GUCY2F: variants seen among roughly 807,000 people sequenced by gnomAD.
GUCY2F encodes the protein retinal guanylyl cyclase 2.
GUCY2F carries 61 observed loss-of-function variants against 73.1 expected under a neutral mutation model. The observed-to-expected ratio is 0.83, with a 90% CI of 0.68 to 1.03. GUCY2F has a LOEUF of 1.03. Ranked by LOEUF, GUCY2F falls within the 50% of genes least tolerant of loss-of-function variation. The probability of loss-of-function intolerance (pLI) is 0.00; values close to 1 mark genes in which losing one functional copy is unlikely to be tolerated. For missense variants in GUCY2F, 912 were observed against 854.3 expected, an observed-to-expected ratio of 1.07 and a Z score of -0.84; for synonymous variants, 331 against 307.8, an observed-to-expected ratio of 1.08 and a Z score of -0.79.
chrX:109,380,699 G>A (rs1232746897), intron 17 of GUCY2F, among the ~76,000 whole-genome samples: 1 of 111,901 alleles, frequency 8.9e-6, no homozygotes, highest in Non-Finnish European at 1.9e-5. Context: ...TTGAAGTTAA[G>A]TCCTGATTTT....
rs1166083821 is a variant in GUCY2F, at chrX:109,399,437, C to G, written c.2126-739G>C. On this transcript the variant is annotated intron_variant, in intron 10 of 19. Transcript: ENST00000218006. ...GTCAAAGTTAAACACCCATTGTGTG[C>G]TCTGCTGCATTTCAGGCCCCGTCAG... Among the ~76,000 whole-genome samples, 3 of 112,624 alleles carry G rather than the reference C, an allele frequency of 2.7e-5. No individual in the cohort carries two copies. The East Asian group carries it at 8.4e-4, about 31-fold the overall frequency.
At chrX:109,465,466 G>A in intron 2 of GUCY2F, 23 bp from the exon 3 acceptor site, 1 of 1,118,648 alleles carries the variant, frequency 8.9e-7, no homozygotes, top group Non-Finnish European at 1.2e-6. Context: ...AAGCAAGGAG[G>A]TTATGGAAGC....
At chrX:109,414,214 C>T (rs1028747949) in intron 8 of GUCY2F, among the ~76,000 whole-genome samples, 1 of 111,701 alleles carries the variant, frequency 9.0e-6, no homozygotes, top group African/African-American at 3.3e-5. Flanking sequence ...TCAGGTGAGC[C>T]GCCCACCTCG....
intron 11 of GUCY2F, among the ~76,000 whole-genome samples, chrX:109,397,732 G>A (rs1930742807): frequency 9.0e-6 from 1 of 111,359 alleles, no homozygotes; most frequent in Admixed American, 9.5e-5. Context: ...TTCTTTTCCT[G>A]TCTTTCATGA....
chrX:109,377,227 T>C (rs1254246218), intron 17 of GUCY2F, among the ~76,000 whole-genome samples: 8 of 111,808 alleles, frequency 7.2e-5, no homozygotes, highest in Admixed American at 2.8e-4. Flanking sequence ...AAGCCTTCTA[T>C]GAGGCAAGTA....
chrX:109,403,048 A>G lies in GUCY2F; in HGVS notation c.2125+1280T>C, dbSNP rs760915744. Among the ~76,000 whole-genome samples the G allele has an allele frequency of 6.2e-5, 7 of 112,149 alleles. No homozygotes were observed. In the South Asian group the frequency reaches 2.3e-3, roughly 36 times the overall value. ...GTTTTGCATCTCTCTGTCTCTGTCTATCTTTTTTTGGGCTGTTTGCTTTTC... is the reference window on the plus strand; with the variant it reads ...GTTTTGCATCTCTCTGTCTCTGTCTGTCTTTTTTTGGGCTGTTTGCTTTTC... On this transcript the variant is annotated intron_variant, in intron 10 of 19. Coordinates refer to ENST00000218006, the MANE Select transcript of GUCY2F (RefSeq NM_001522.3).
chrX:109,473,974 A>T (rs372364653), intron 2 of GUCY2F, among the ~76,000 whole-genome samples: 3 of 112,385 alleles, frequency 2.7e-5, no homozygotes, highest in East Asian at 2.8e-4. Flanking sequence ...ATTATGAAGT[A>T]ATCAGAGCCA....
intron 1 of GUCY2F, among the ~76,000 whole-genome samples, chrX:109,477,461 T>TA (rs1422084332): frequency 9.0e-6 from 1 of 111,358 alleles, no homozygotes; most frequent in African/African-American, 3.3e-5. Flanking sequence ...AGGAAAAAAA[T>TA]AGAAAGCTGA....
At chrX:109,413,466 G>A (rs778912703) in intron 8 of GUCY2F, among the ~76,000 whole-genome samples, 11 of 109,424 alleles carry the variant, frequency 1.0e-4, no homozygotes, top group Non-Finnish European at 7.6e-5. Context: ...GTGCAGTGGC[G>A]CAATCTCGGC....
chrX:109,448,091 A>T lies in GUCY2F; in HGVS notation c.1547T>A (p.Ile516Asn), dbSNP rs1468159843. 1 of 1,096,517 alleles carries T rather than the reference A, an allele frequency of 9.1e-7. No homozygotes were observed. The highest frequency in any genetic ancestry group is 1.8e-5 in the African/African-American group (1 of 55,460). The allele number at this position is 1,096,517 out of a possible 1,213,427, so 90.4% of individuals were successfully genotyped here. ...ILLTLEDVTF[I>N]NPHFGSKRGS... ...TACCTTACTGCCAAAGTGGGGATTGATAAACGTTACATCCTCCAAAGTCAG... is the reference window on the plus strand; with the variant it reads ...TACCTTACTGCCAAAGTGGGGATTGTTAAACGTTACATCCTCCAAAGTCAG... Residue 516 changes from isoleucine (I) to asparagine (N), a missense_variant, in exon 6 of 20, where the codon ATC becomes AAC. Transcript: ENST00000218006.
chrX:109,380,772 T>C (rs748930531), intron 17 of GUCY2F, among the ~76,000 whole-genome samples: 26 of 111,955 alleles, frequency 2.3e-4, no homozygotes, highest in Non-Finnish European at 4.3e-4. Context: ...ATAAAAACCA[T>C]TGGGACAGGG....
At chrX:109,451,925 T>C in intron 5 of GUCY2F, 98 bp downstream of exon 5, 1 of 534,692 alleles carries the variant, frequency 1.9e-6, no homozygotes, top group Non-Finnish European at 3.3e-6. Context: ...GGTCATGTAA[T>C]GAGGCAATTG....
At chrX:109,399,209 C>CT (rs1489258283) in intron 10 of GUCY2F, among the ~76,000 whole-genome samples, 1 of 112,739 alleles carries the variant, frequency 8.9e-6, no homozygotes, top group Admixed American at 9.3e-5. Context: ...GCAACAATTC[C>CT]TTCAACTCAG....
chrX:109,378,397 T>A (rs1369256244), intron 17 of GUCY2F, among the ~76,000 whole-genome samples: 2 of 111,567 alleles, frequency 1.8e-5, no homozygotes, highest in Non-Finnish European at 3.8e-5. Flanking sequence ...ATTGGGAAAT[T>A]TGAAGCTTGT....
chrX:109,444,869 A>G (rs1040864483), intron 6 of GUCY2F, among the ~76,000 whole-genome samples: 1 of 111,847 alleles, frequency 8.9e-6, no homozygotes, highest in Non-Finnish European at 1.9e-5. Context: ...TAATTTCACA[A>G]TTTCAAAATT....
chrX:109,467,988 G>C (rs1443810084), intron 2 of GUCY2F, among the ~76,000 whole-genome samples: 1 of 111,879 alleles, frequency 8.9e-6, no homozygotes, highest in Non-Finnish European at 1.9e-5. Flanking sequence ...TCTCAATTCT[G>C]GACAACTCTG....
In GUCY2F at chrX:109,388,663, C is replaced by T. The variant is rs1223422937; in HGVS notation, c.2782G>A (p.Val928Ile). 1 of 1,166,159 alleles carries T rather than the reference C, an allele frequency of 8.6e-7. No homozygotes were observed. The highest frequency in any genetic ancestry group is 1.2e-6 in the Non-Finnish European group (1 of 856,849). Residue 928 changes from valine (V) to isoleucine (I), a missense_variant and splice_region_variant, in exon 15 of 20, where the codon GTA becomes ATA. By Grantham distance (29) the Val-to-Ile change is conservative. Coordinates refer to ENST00000218006, the MANE Select transcript of GUCY2F (RefSeq NM_001522.3). ...AIIGSHDVYK[V>I]ETIGDAYMVA... ...ATGTAGGCATCTCCAATGGTCTCTACCTGGGAATTAGGAAAAATAGAATTA... is the reference window on the plus strand; with the variant it reads ...ATGTAGGCATCTCCAATGGTCTCTATCTGGGAATTAGGAAAAATAGAATTA...
chrX:109,395,681 G>A (rs1336915736), intron 11 of GUCY2F, among the ~76,000 whole-genome samples, 192 bp from the exon 12 acceptor site: 1 of 112,039 alleles, frequency 8.9e-6, no homozygotes, highest in Non-Finnish European at 1.9e-5. Flanking sequence ...GGCAATGGGG[G>A]AGGAGTGAGA....
intron 2 of GUCY2F, among the ~76,000 whole-genome samples, chrX:109,467,081 A>G (rs1214123698): frequency 2.7e-5 from 3 of 112,324 alleles, no homozygotes; most frequent in African/African-American, 9.7e-5. Context: ...TTCTCGAAGG[A>G]TATCTTTGGA....
Sources: gnomAD v4.1 joint callset for allele counts (sites outside exome capture counted in the v4.1 genomes callset) on GRCh38, gnomAD v4.1.1 for gene constraint, MANE v1.5 for transcripts, NCBI Gene and HGNC (gene_info 2026-07-23, HGNC 2026-07-21) for gene names.